TSPAN9: variants seen among roughly 807,000 people sequenced by gnomAD.
TSPAN9 encodes tetraspanin 9.
TSPAN9 carries 16 observed loss-of-function variants against 31.0 expected under a neutral mutation model. The observed-to-expected ratio is 0.52, with a 90% CI of 0.35 to 0.78. The LOEUF is 0.78. TSPAN9 is among the 30% of genes least tolerant of loss of function. The probability of loss-of-function intolerance (pLI) is 0.01; values close to 1 mark genes in which losing one functional copy is unlikely to be tolerated. For synonymous variants in TSPAN9, 145 were observed against 121.6 expected (o/e 1.19, Z -1.27); for missense variants, 272 against 312.5 (o/e 0.87, Z 0.98).
chr12:3,194,336 C>A (rs1311395346), intron 2 of TSPAN9, among the ~76,000 whole-genome samples: 1 of 152,186 alleles, frequency 6.6e-6, no homozygotes, highest in South Asian at 2.1e-4. Flanking sequence ...CCTGGCCACC[C>A]TTTGTGTCCC....
chr12:3,117,174 G>T (rs2098322811), intron 2 of TSPAN9, among the ~76,000 whole-genome samples: 1 of 152,160 alleles, frequency 6.6e-6, no homozygotes, highest in African/African-American at 2.4e-5. Context: ...TGTCTTGGGT[G>T]GCTGCACAGA....
At chr12:3,246,202 C>T (rs1466474174) in intron 3 of TSPAN9, among the ~76,000 whole-genome samples, 2 of 151,642 alleles carry the variant, frequency 1.3e-5, no homozygotes, top group Non-Finnish European at 2.9e-5. Context: ...GGGGTGGTGC[C>T]ACACACTTTC....
intron 2 of TSPAN9, among the ~76,000 whole-genome samples, chr12:3,128,657 C>T (rs554963472): frequency 6.6e-6 from 1 of 152,294 alleles, no homozygotes; most frequent in East Asian, 1.9e-4. Flanking sequence ...CCCCTGCACT[C>T]TGCACGAGGC....
chr12:3,235,569 C>A (rs1228290082), intron 3 of TSPAN9, among the ~76,000 whole-genome samples: 1 of 152,028 alleles, frequency 6.6e-6, no homozygotes, highest in East Asian at 1.9e-4. Flanking sequence ...TCACCAGGGG[C>A]TACATGGATC....
intron 1 of TSPAN9, among the ~76,000 whole-genome samples, chr12:3,079,019 G>A (rs991412680): frequency 2.7e-5 from 4 of 145,806 alleles, no homozygotes; most frequent in Non-Finnish European, 3.0e-5. Context: ...TCACTCTGTT[G>A]CCCAGGCTGG....
chr12:3,205,733 A>T (rs1216467487), intron 3 of TSPAN9, among the ~76,000 whole-genome samples: 1 of 149,570 alleles, frequency 6.7e-6, no homozygotes, highest in Non-Finnish European at 1.5e-5. Context: ...CCCCCCCCAG[A>T]GTGCTCAGGT....
intron 2 of TSPAN9, among the ~76,000 whole-genome samples, chr12:3,127,562 A>G (rs780510039): frequency 3.1e-4 from 47 of 152,040 alleles, no homozygotes; most frequent in Non-Finnish European, 5.4e-4. Flanking sequence ...TCACCGTGTT[A>G]GCCAGGGTGG....
intron 3 of TSPAN9, among the ~76,000 whole-genome samples, chr12:3,264,473 G>A (rs1039046401): frequency 7.9e-5 from 12 of 152,232 alleles, no homozygotes; most frequent in African/African-American, 2.4e-4. Flanking sequence ...AAAGCAAGCC[G>A]CCTCCCGGAG....
intron 2 of TSPAN9, among the ~76,000 whole-genome samples, chr12:3,199,576 C>G (rs1462591387): frequency 6.6e-6 from 1 of 152,210 alleles, no homozygotes; most frequent in East Asian, 1.9e-4. Context: ...TTGGCACAGG[C>G]GGGGTGAGGA....
chr12:3,243,348 C>G (rs588040), intron 3 of TSPAN9, among the ~76,000 whole-genome samples: 4 of 152,046 alleles, frequency 2.6e-5, no homozygotes, highest in African/African-American at 9.7e-5. Context: ...GAATTCCTGC[C>G]GCAGCCCCAG....
chr12:3,152,411 T>C (rs2098340263), intron 2 of TSPAN9, among the ~76,000 whole-genome samples: 1 of 152,202 alleles, frequency 6.6e-6, no homozygotes, highest in East Asian at 1.9e-4. Context: ...TCTGTCCTTC[T>C]GACACACCTG....
At chr12:3,175,172 C>T (rs1226367804) in intron 2 of TSPAN9, among the ~76,000 whole-genome samples, 2 of 152,194 alleles carry the variant, frequency 1.3e-5, no homozygotes, top group African/African-American at 4.8e-5. Context: ...GGAGCAGGGG[C>T]AGCATCTCAC....
At chr12:3,263,540 G>A (rs186863856) in intron 3 of TSPAN9, among the ~76,000 whole-genome samples, 41 of 152,294 alleles carry the variant, frequency 2.7e-4, no homozygotes, top group Admixed American at 4.6e-4. Flanking sequence ...CTGGGGAGGC[G>A]CTCCTGTTGC....
intron 3 of TSPAN9, among the ~76,000 whole-genome samples, chr12:3,253,583 A>G (rs1406310677): frequency 6.6e-6 from 1 of 152,204 alleles, no homozygotes; most frequent in Non-Finnish European, 1.5e-5. Flanking sequence ...ATCCTTGTAG[A>G]CAGTCCCTGC....
At position 3,283,131 on chromosome 12, in the gene TSPAN9, A is replaced by G. The variant is rs375068489; in HGVS notation, c.*15A>G. ...ACGACGCATGAGCGGGCTGGCCGGG[A>G]GTGCCCACCCCGCCCTGCTGCCCTG... On this transcript the variant is annotated 3_prime_UTR_variant, in exon 9 of 9. Transcript: ENST00000011898. 6.8e-6 allele frequency: 11 copies of G among 1,606,292 alleles called. No homozygotes were observed. In the East Asian group the frequency reaches 8.9e-5, roughly 13 times the overall value.
intron 3 of TSPAN9, among the ~76,000 whole-genome samples, chr12:3,246,645 C>T (rs1316069302): frequency 2.9e-4 from 44 of 152,228 alleles, no homozygotes; most frequent in Admixed American, 2.9e-3. Flanking sequence ...AGTGTGCCTA[C>T]ATCCCTCCTG....
chr12:3,182,414 G>T (rs764995985), intron 2 of TSPAN9, among the ~76,000 whole-genome samples: 8 of 152,012 alleles, frequency 5.3e-5, no homozygotes, highest in Non-Finnish European at 1.2e-4. Flanking sequence ...TTGGCCTAAG[G>T]TGAGGGAGCT....
intron 3 of TSPAN9, among the ~76,000 whole-genome samples, chr12:3,270,603 T>C (rs1008995176): frequency 6.6e-6 from 1 of 152,222 alleles, no homozygotes; most frequent in Non-Finnish European, 1.5e-5. Flanking sequence ...TGGGTAGCAC[T>C]TCAACAGGGC....
At chr12:3,220,285 G>A (rs113106512) in intron 3 of TSPAN9, among the ~76,000 whole-genome samples, 2 of 152,324 alleles carry the variant, frequency 1.3e-5, no homozygotes, top group South Asian at 2.1e-4. Context: ...CCTTATGTCT[G>A]ACTGATTCCA....
Sources: allele counts gnomAD v4.1 joint callset (sites outside exome capture counted in the v4.1 genomes callset), GRCh38; gene constraint gnomAD v4.1.1; transcripts MANE v1.5; gene names NCBI Gene and HGNC (gene_info 2026-07-23, HGNC 2026-07-21).